The following PCSK5 variants were observed in gnomAD, a reference collection of about 807,000 sequenced individuals.
PCSK5 encodes prohormone convertase 5.
PCSK5 carries 129 observed loss-of-function variants against 233.2 expected under a neutral mutation model. The ratio of observed to expected loss-of-function variants is 0.55; its 90% CI spans 0.48 to 0.64. PCSK5 has a LOEUF of 0.64. Among genes scored for constraint, PCSK5 ranks in the 30% least tolerant of loss-of-function variants. The pLI, the probability that PCSK5 is intolerant of heterozygous loss-of-function variation, is 0.00. For synonymous variants in PCSK5, 825 were observed against 879.2 expected, an observed-to-expected ratio of 0.94 and a Z score of 1.09; for missense variants, 2,076 against 2,430.1, an observed-to-expected ratio of 0.85 and a Z score of 3.06.
chr9:76,186,192 C>CA (rs1401904716), intron 17 of PCSK5, among the ~76,000 whole-genome samples: 1 of 152,108 alleles, frequency 6.6e-6, no homozygotes, highest in Non-Finnish European at 1.5e-5. Context: ...GTACTGTCTT[C>CA]AAAATCTGAT....
chr9:76,186,390 AAAATT>A (rs1173537012), intron 17 of PCSK5, among the ~76,000 whole-genome samples: 8 of 151,070 alleles, frequency 5.3e-5, no homozygotes, highest in African/African-American at 1.7e-4. Context: ...TAAATTAGTT[AAAATT>A]AAATTAAATA....
At chr9:76,257,269 A>G (rs891666137) in intron 24 of PCSK5, among the ~76,000 whole-genome samples, 3 of 152,178 alleles carry the variant, frequency 2.0e-5, no homozygotes, top group Admixed American at 6.5e-5. Context: ...CATAGATGGT[A>G]GGAAGAGCTT....
At chr9:76,253,836 C>T (rs1224385412) in intron 24 of PCSK5, among the ~76,000 whole-genome samples, 2 of 152,108 alleles carry the variant, frequency 1.3e-5, no homozygotes, top group East Asian at 3.9e-4. Flanking sequence ...TTTGGAGCAA[C>T]CTTGTGCATA....
chr9:75,999,122 A>T (rs891531521), intron 3 of PCSK5, among the ~76,000 whole-genome samples: 3 of 152,152 alleles, frequency 2.0e-5, no homozygotes, highest in Admixed American at 6.5e-5. Flanking sequence ...CAGGTTTGTT[A>T]CATAGGTATA....
At chr9:76,163,400 G>A (rs1033660587) in intron 12 of PCSK5, among the ~76,000 whole-genome samples, 2 of 152,202 alleles carry the variant, frequency 1.3e-5, no homozygotes, top group South Asian at 2.1e-4. Context: ...GGTGCTAAGC[G>A]CTGGAAGGCA....
intron 28 of PCSK5, among the ~76,000 whole-genome samples, chr9:76,307,437 T>C (rs1303507451): frequency 6.6e-6 from 1 of 152,206 alleles, no homozygotes; most frequent in Admixed American, 6.5e-5. Flanking sequence ...GTGTGAGCCA[T>C]GCTGATTTCT....
At chr9:76,055,876 A>G (rs1829802638) in intron 5 of PCSK5, among the ~76,000 whole-genome samples, 1 of 152,192 alleles carries the variant, frequency 6.6e-6, no homozygotes, top group South Asian at 2.1e-4. Flanking sequence ...AAGTACTTTG[A>G]GCATTACAGA....
At chr9:75,996,815 G>GTT (rs35830280) in intron 3 of PCSK5, among the ~76,000 whole-genome samples, 9,685 of 141,314 alleles carry the variant, frequency 0.069, 328 homozygotes, top group Non-Finnish European at 0.076. Flanking sequence ...TGTTAACAAA[G>GTT]TTTTTTTTTT....
intron 1 of PCSK5, among the ~76,000 whole-genome samples, chr9:75,907,922 A>T (rs992685430): frequency 6.6e-6 from 1 of 152,096 alleles, no homozygotes; most frequent in African/African-American, 2.4e-5. Context: ...TAAGCTGTAC[A>T]CTCTTGTGAT....
intron 7 of PCSK5, among the ~76,000 whole-genome samples, chr9:76,083,826 T>C (rs562412306): frequency 6.6e-6 from 1 of 152,330 alleles, no homozygotes; most frequent in South Asian, 2.1e-4. Flanking sequence ...ACAGAAGAGA[T>C]ATAATGAAAG....
At chr9:76,180,687 C>A (rs1823825159) in intron 15 of PCSK5, among the ~76,000 whole-genome samples, 1 of 152,120 alleles carries the variant, frequency 6.6e-6, no homozygotes, top group Admixed American at 6.5e-5. Flanking sequence ...ATACTCCAGT[C>A]CCCCAGACAG....
intron 2 of PCSK5, among the ~76,000 whole-genome samples, chr9:75,951,050 T>C (rs1303235794): frequency 6.6e-6 from 1 of 152,182 alleles, no homozygotes; most frequent in African/African-American, 2.4e-5. Flanking sequence ...AGGAGAAAGT[T>C]TCCACCCGGT....
chr9:75,964,563 T>G (rs532734609), intron 2 of PCSK5, among the ~76,000 whole-genome samples: 1 of 152,318 alleles, frequency 6.6e-6, no homozygotes, highest in South Asian at 2.1e-4. Flanking sequence ...CCACCTGCCT[T>G]CCGTAAGCGG....
intron 21 of PCSK5, among the ~76,000 whole-genome samples, chr9:76,228,253 G>A (rs1010770080): frequency 5.9e-5 from 9 of 152,020 alleles, no homozygotes; most frequent in Admixed American, 6.6e-5. Flanking sequence ...TGATCTGCCC[G>A]CCTCAGCCTC....
chr9:76,283,067 T>A (rs1187686227), intron 24 of PCSK5, among the ~76,000 whole-genome samples: 1 of 152,328 alleles, frequency 6.6e-6, no homozygotes, highest in African/African-American at 2.4e-5. Context: ...AATTGGTTCT[T>A]ATGGTTGAGC....
At chr9:76,045,577 G>T (rs1214257997) in intron 5 of PCSK5, among the ~76,000 whole-genome samples, 1 of 152,198 alleles carries the variant, frequency 6.6e-6, no homozygotes, top group East Asian at 1.9e-4. Context: ...CCTTTGAAAA[G>T]GACACAGTTT....
intron 14 of PCSK5, among the ~76,000 whole-genome samples, chr9:76,178,074 G>A (rs1475798958): frequency 1.3e-5 from 2 of 151,968 alleles, no homozygotes; most frequent in South Asian, 2.1e-4. Context: ...CACAGATGGC[G>A]TTATCATAAC....
In PCSK5 at chr9:76,179,568, A is replaced by G. The variant is rs748044608; in HGVS notation, c.1901-28A>G. ...TGACCTGCTCTAAAATCATTTTTCCAAGTATTGTTCTAATGTCTTTTGGAA... is the reference window on the plus strand; with the variant it reads ...TGACCTGCTCTAAAATCATTTTTCCGAGTATTGTTCTAATGTCTTTTGGAA... On this transcript the variant is annotated intron_variant, in intron 14 of 37. Coordinates refer to ENST00000674117, the MANE Select transcript of PCSK5 (RefSeq NM_001372043.1). 2.6e-6 allele frequency: 4 copies of G among 1,536,410 alleles called. No individual in the cohort carries two copies. The South Asian group carries it at 3.4e-5, about 13-fold the overall frequency.
At chr9:76,175,693 T>C (rs1193573026) in intron 14 of PCSK5, 1 of 153,536 alleles carries the variant, frequency 6.5e-6, no homozygotes, top group Non-Finnish European at 1.4e-5. Flanking sequence ...GATGTACCAG[T>C]CTTCACTGTG....
Sources: allele counts gnomAD v4.1 joint callset (sites outside exome capture counted in the v4.1 genomes callset), GRCh38; gene constraint gnomAD v4.1.1; transcripts MANE v1.5; gene names NCBI Gene and HGNC (gene_info 2026-07-23, HGNC 2026-07-21).